The following CNTNAP5 variants were observed in gnomAD, a reference collection of about 807,000 sequenced individuals.
CNTNAP5 encodes the protein contactin associated protein family member 5, also known as contactin-associated protein-like 5.
Under a neutral mutation model 150.2 loss-of-function variants are expected in CNTNAP5, and 72 were observed. The observed-to-expected ratio is 0.48, with a 90% CI of 0.40 to 0.58. The LOEUF (loss-of-function observed/expected upper bound fraction) is 0.58, where lower values mean the gene tolerates loss of function less well. Ranked by LOEUF, CNTNAP5 falls within the 20% of genes least tolerant of loss-of-function variation. CNTNAP5 has a pLI of 0.00. For missense variants in CNTNAP5, 1,636 were observed against 1,626.2 expected, an observed-to-expected ratio of 1.01 and a Z score of -0.10; for synonymous variants, 672 against 619.8, an observed-to-expected ratio of 1.08 and a Z score of -1.25.
intron 13 of CNTNAP5, among the ~76,000 whole-genome samples, chr2:124,654,143 A>T (rs1678384514): frequency 6.6e-6 from 1 of 152,156 alleles, no homozygotes; most frequent in Admixed American, 6.5e-5. Flanking sequence ...AATAGCCAAA[A>T]GGCCAGTGTG....
chr2:124,535,781 C>CA (rs370661968), intron 10 of CNTNAP5, among the ~76,000 whole-genome samples: 108 of 150,788 alleles, frequency 7.2e-4, no homozygotes, highest in African/African-American at 2.2e-3. Context: ...TTCTCAAAAA[C>CA]AAAAAAAATA....
intron 1 of CNTNAP5, among the ~76,000 whole-genome samples, chr2:124,130,849 T>C (rs1055402061): frequency 1.3e-5 from 2 of 152,158 alleles, no homozygotes; most frequent in African/African-American, 4.8e-5. Flanking sequence ...AGAGCAGACA[T>C]TCAGACATTG....
Position 124,434,671 on chromosome 2 carries a change from C to G in CNTNAP5, c.717C>G (p.Ala239=). Residue 239 remains alanine (A), a synonymous_variant, in exon 5 of 24, where the codon GCC becomes GCG. Coordinates refer to ENST00000682447, the MANE Select transcript of CNTNAP5 (RefSeq NM_001367498.1). The part of the protein sequence containing the change: ...ITLELQKGRL[A]LHLNLGDSKA... The stretch of plus-strand genomic sequence containing the variant: ...TGGAACTCCAGAAGGGGAGGCTCGC[C>G]CTACACCTCAATTTGGGTAGGCTCA... 6.2e-7 allele frequency: 1 copy of G among 1,611,724 alleles called. No homozygotes were observed.
At chr2:124,034,002 A>G (rs1681136620) in intron 1 of CNTNAP5, among the ~76,000 whole-genome samples, 1 of 152,206 alleles carries the variant, frequency 6.6e-6, no homozygotes, top group African/African-American at 2.4e-5. Flanking sequence ...GAGAAAGAAC[A>G]GGGATGTTCT....
At chr2:124,362,026 A>C (rs774392454) in intron 3 of CNTNAP5, among the ~76,000 whole-genome samples, 3 of 152,192 alleles carry the variant, frequency 2.0e-5, no homozygotes, top group Non-Finnish European at 4.4e-5. Context: ...CCGTTTTTTA[A>C]GCCGGTCCGA....
chr2:124,524,186 G>A, intron 8 of CNTNAP5, 117 bp from the exon 9 acceptor site: 1 of 908,194 alleles, frequency 1.1e-6, no homozygotes, highest in South Asian at 1.7e-5. Flanking sequence ...CCAGCCGAGT[G>A]AGGAGTGGGT....
Position 124,689,689 on chromosome 2 carries a change from G to A in CNTNAP5, c.2077+41731G>A, listed in dbSNP as rs559682640. Among the ~76,000 whole-genome samples the A allele has an allele frequency of 3.3e-5, 5 of 152,052 alleles. No individual in the cohort carries two copies. In the East Asian group the frequency reaches 9.7e-4, roughly 29 times the overall value. On this transcript the variant is annotated intron_variant, in intron 13 of 23. Transcript: ENST00000682447. Reference sequence around the variant, plus strand: ...GTGCGTGTGTGTGTTTGATTGGGTGGGGCAATGGAATCAGAGGTGAGTCAG... The same window carrying A: ...GTGCGTGTGTGTGTTTGATTGGGTGAGGCAATGGAATCAGAGGTGAGTCAG...
At chr2:124,862,585 G>T (rs1677549019) in intron 19 of CNTNAP5, among the ~76,000 whole-genome samples, 1 of 152,196 alleles carries the variant, frequency 6.6e-6, no homozygotes, top group African/African-American at 2.4e-5. Flanking sequence ...AATAGACATG[G>T]CAATGCCAGG....
intron 1 of CNTNAP5, among the ~76,000 whole-genome samples, chr2:124,043,781 T>A (rs1002496240): frequency 2.0e-5 from 3 of 152,178 alleles, no homozygotes; most frequent in African/African-American, 7.2e-5. Context: ...AAAAATTGTG[T>A]TGTGGAAAGG....
intron 2 of CNTNAP5, 43 bp from the exon 3 acceptor site, chr2:124,242,157 A>T: frequency 6.8e-7 from 1 of 1,460,164 alleles, no homozygotes; most frequent in Non-Finnish European, 9.4e-7. Context: ...GCTATGTGAG[A>T]CATTACTACA....
chr2:124,792,168 G>C (rs1681749192), intron 18 of CNTNAP5, among the ~76,000 whole-genome samples: 5 of 151,980 alleles, frequency 3.3e-5, no homozygotes, highest in Admixed American at 3.3e-4. Context: ...ATAGAATTAG[G>C]GTCTTTTTTT....
At chr2:124,732,011 T>C (rs925012409) in intron 13 of CNTNAP5, among the ~76,000 whole-genome samples, 3 of 152,128 alleles carry the variant, frequency 2.0e-5, no homozygotes, top group African/African-American at 7.2e-5. Context: ...ATTCTTTTAC[T>C]CGGAGCAAGT....
intron 3 of CNTNAP5, among the ~76,000 whole-genome samples, chr2:124,283,011 G>A (rs1475700955): frequency 9.6e-6 from 1 of 104,018 alleles, no homozygotes; most frequent in African/African-American, 3.7e-5. Flanking sequence ...TTTTTTTTTT[G>A]ACCTACTTTC....
intron 1 of CNTNAP5, among the ~76,000 whole-genome samples, chr2:124,059,655 G>T (rs562486954): frequency 2.8e-4 from 42 of 151,900 alleles, no homozygotes; most frequent in Non-Finnish European, 5.1e-4. Context: ...TAGTATACTT[G>T]TTTTTCATAG....
chr2:124,600,731 C>CAGAGAGAGAGAGAGAGAGAGAGAGAG (rs374118230), intron 11 of CNTNAP5, among the ~76,000 whole-genome samples: 1 of 124,056 alleles, frequency 8.1e-6, no homozygotes, highest in Non-Finnish European at 1.7e-5. Flanking sequence ...CAACAATACT[C>CAGAGAGAGAGAGAGAGAGAGAGAGAG]AGAGAGAGAG....
At chr2:124,407,804 A>T (rs1051258960) in intron 3 of CNTNAP5, among the ~76,000 whole-genome samples, 1 of 152,054 alleles carries the variant, frequency 6.6e-6, no homozygotes, top group Non-Finnish European at 1.5e-5. Context: ...CATTTCAGGG[A>T]GGGGATTGAA....
intron 21 of CNTNAP5, among the ~76,000 whole-genome samples, chr2:124,877,567 G>C (rs935324244): frequency 1.3e-5 from 2 of 152,054 alleles, no homozygotes; most frequent in Non-Finnish European, 2.9e-5. Context: ...AAAAACTATT[G>C]AGCATTACTA....
chr2:124,555,984 A>G (rs1475430346), intron 10 of CNTNAP5, among the ~76,000 whole-genome samples: 1 of 152,166 alleles, frequency 6.6e-6, no homozygotes, highest in African/African-American at 2.4e-5. Flanking sequence ...TCCTTTTCCT[A>G]CCAAAAATTA....
At chr2:124,535,979 G>T (rs190783458) in intron 10 of CNTNAP5, among the ~76,000 whole-genome samples, 1 of 152,168 alleles carries the variant, frequency 6.6e-6, no homozygotes, top group East Asian at 1.9e-4. Context: ...AAAACAGTGG[G>T]TAATATAAAA....
Sources: gnomAD v4.1 joint callset for allele counts (sites outside exome capture counted in the v4.1 genomes callset) on GRCh38, gnomAD v4.1.1 for gene constraint, MANE v1.5 for transcripts, NCBI Gene and HGNC (gene_info 2026-07-23, HGNC 2026-07-21) for gene names.